CAPN11: variants seen among roughly 807,000 people sequenced by gnomAD.
CAPN11 encodes calpain 11.
In CAPN11, 108 loss-of-function variants were observed where a neutral mutation model predicts 105.3. The ratio of observed to expected loss-of-function variants is 1.03; its 90% CI spans 0.88 to 1.20. The LOEUF is 1.20. Among genes scored for constraint, CAPN11 ranks in the 50% most tolerant of loss-of-function variants. The pLI, the probability that CAPN11 is intolerant of heterozygous loss-of-function variation, is 0.00. For synonymous variants in CAPN11, 329 were observed against 344.5 expected, an observed-to-expected ratio of 0.96 and a Z score of 0.50; for missense variants, 883 against 924.8, an observed-to-expected ratio of 0.95 and a Z score of 0.59.
At position 44,170,591 on chromosome 6, in the gene CAPN11, G is replaced by A. The variant is rs1406994377; in HGVS notation, c.409+616G>A. 2.6e-5 allele frequency among the ~76,000 whole-genome samples: 4 copies of A among 152,180 alleles called. No individual in the cohort carries two copies. The South Asian group carries it at 8.3e-4, about 31-fold the overall frequency. ...GAGAGGACAAGGAGGAAGCCATAAT[G>A]CCTTTTCTGACCTAGTCTCAGGAGT... On this transcript the variant is annotated intron_variant, in intron 4 of 22. Coordinates refer to ENST00000398776, the MANE Select transcript of CAPN11 (RefSeq NM_007058.4).
In CAPN11 at chr6:44,176,600, G is replaced by T. The variant is rs1422711898; in HGVS notation, c.1021G>T (p.Val341Leu). The T allele has an allele frequency of 6.2e-7, 1 of 1,611,904 alleles. No homozygotes were observed. Among genetic ancestry groups the T allele is most frequent in the Non-Finnish European group, 8.5e-7 (1 of 1,178,652 alleles). Residue 341 changes from valine to leucine, a missense_variant, in exon 10 of 23, where the codon GTG (valine) becomes TTG (leucine). By Grantham distance (32) the Val-to-Leu change is conservative. Coordinates refer to ENST00000398776, the MANE Select transcript of CAPN11 (RefSeq NM_007058.4). ...WSDSAREWEE[V>L]ASDIQMQLLH... Reference sequence around the variant, plus strand: ...CTCCAGTGCCAGGGAGTGGGAAGAGGTGGCCTCAGACATCCAGATGCAGCT... The same window carrying T: ...CTCCAGTGCCAGGGAGTGGGAAGAGTTGGCCTCAGACATCCAGATGCAGCT...
intron 12 of CAPN11, chr6:44,177,629 G>T (rs1338262268): frequency 1.4e-5 from 8 of 564,892 alleles, no homozygotes; most frequent in Non-Finnish European, 2.2e-5. Flanking sequence ...CTGGATTACA[G>T]ACGTGCACCA....
At chr6:44,176,370 C>T (rs549617031) in intron 9 of CAPN11, 32 bp downstream of exon 9, 220 of 1,584,482 alleles carry the variant, frequency 1.4e-4, no homozygotes, top group South Asian at 1.0e-3. Context: ...GAGGGGTGGT[C>T]GGAGGATACA....
intron 1 of CAPN11, among the ~76,000 whole-genome samples, chr6:44,163,184 C>G (rs773291022): frequency 2.6e-5 from 4 of 152,180 alleles, no homozygotes; most frequent in Non-Finnish European, 5.9e-5. Context: ...GTGAGGAAAC[C>G]AAGGCTCAGG....
chr6:44,173,872 C>T (rs1448805798), intron 7 of CAPN11, among the ~76,000 whole-genome samples: 2 of 152,320 alleles, frequency 1.3e-5, no homozygotes, highest in East Asian at 1.9e-4. Context: ...GCATGAGCCA[C>T]GGTGCCCAGC....
In CAPN11 at chr6:44,169,333, C is replaced by G. The variant is rs749483783; in HGVS notation, c.141C>G (p.Leu47=). The G allele has an allele frequency of 6.2e-7, 1 of 1,613,896 alleles. No individual in the cohort carries two copies. The highest frequency in any genetic ancestry group is 1.1e-5 in the South Asian group (1 of 91,058). Residue 47 remains leucine (L), a synonymous_variant, in exon 3 of 23, where the codon CTC becomes CTG. Coordinates refer to ENST00000398776, the MANE Select transcript of CAPN11 (RefSeq NM_007058.4). ...TGGCTCACATAAACAACAGCCGGCT[C>G]AAGGCCAAGGGCGTGGGCCAGCACG... ...GMVAHINNSR[L]KAKGVGQHDN...
At chr6:44,179,889 T>TG in intron 13 of CAPN11, 63 bp from the exon 14 acceptor site, 1 of 1,344,030 alleles carries the variant, frequency 7.4e-7, no homozygotes, top group Non-Finnish European at 1.1e-6. Flanking sequence ...CTGTTCACCC[T>TG]GGGGGACCCT....
chr6:44,166,721 A>G, intron 1 of CAPN11, 37 bp from the exon 2 acceptor site: 3 of 1,489,858 alleles, frequency 2.0e-6, no homozygotes, highest in South Asian at 1.2e-5. Flanking sequence ...TTTAGACCAC[A>G]GCCTTCCTCC....
intron 19 of CAPN11, among the ~76,000 whole-genome samples, 191 bp downstream of exon 19, chr6:44,181,511 CACAT>C (rs879085091): frequency 0.076 from 8,129 of 107,574 alleles, 1,423 homozygotes; most frequent in Middle Eastern, 0.15. Flanking sequence ...CACACACACT[CACAT>C]ACAGACACAA....
chr6:44,172,871 A>G, intron 5 of CAPN11, 69 bp from the exon 6 acceptor site: 2 of 1,533,180 alleles, frequency 1.3e-6, no homozygotes, highest in Non-Finnish European at 8.9e-7. Context: ...GCGTGTCATC[A>G]GGTCTGGCCA....
intron 21 of CAPN11, 45 bp from the exon 22 acceptor site, chr6:44,183,652 CGGAACACT>C: frequency 5.7e-6 from 9 of 1,565,990 alleles, no homozygotes; most frequent in Non-Finnish European, 7.9e-6. Context: ...GTGGTTCTTT[CGGAACACT>C]GACTTAGCAT....
At chr6:44,177,220 C>G in intron 11 of CAPN11, 22 bp from the exon 12 acceptor site, 2 of 1,558,124 alleles carry the variant, frequency 1.3e-6, no homozygotes, top group South Asian at 1.2e-5. Context: ...CGTATAACCA[C>G]GCTGACCCAC....
At chr6:44,174,006 T>C (rs950818488) in intron 7 of CAPN11, among the ~76,000 whole-genome samples, 1 of 152,192 alleles carries the variant, frequency 6.6e-6, no homozygotes, top group Non-Finnish European at 1.5e-5. Context: ...TCACATTCCA[T>C]GAGGGCAGTG....
Position 44,184,078 on chromosome 6 carries a change from GCCGTGTTTACTGCAGCAGTGGGACCT to G in CAPN11, c.*152_*177del. On this transcript the variant is annotated 3_prime_UTR_variant, in exon 23 of 23. Coordinates refer to ENST00000398776, the MANE Select transcript of CAPN11 (RefSeq NM_007058.4). ...AGGTGGCAGTGCCCGGGTCCCAGGT[GCCGTGTTTACTGCAGCAGTGGGACCT>G]CCGTGCCCACTCCCCCAGCTCAGAG... 1 of 839,908 alleles carries G rather than the reference GCCGTGTTTACTGCAGCAGTGGGACCT, an allele frequency of 1.2e-6. No homozygotes were observed. Among genetic ancestry groups the G allele is most frequent in the Non-Finnish European group, 1.9e-6 (1 of 533,070 alleles). The allele number at this position is 839,908 out of a possible 1,614,324, so 52.0% of individuals were successfully genotyped here. A position where few individuals can be genotyped will look rare whatever the true frequency, so the allele number is the denominator to read the frequency against.
rs1471675895 is a variant in CAPN11 at position 44,169,387 on chromosome 6, C to T, written c.195C>T (p.Ser65=). ...ACGCCCAGAACTTTGGTAACCAGAG[C>T]TTTGAGGAGCTGCGAGCAGCCTGTC... is the stretch of plus-strand genomic sequence containing the variant. The part of the protein sequence containing the change: ...HDNAQNFGNQ[S]FEELRAACLR... Residue 65 remains serine (S), a synonymous_variant, in exon 3 of 23, where the codon AGC becomes AGT. Coordinates refer to ENST00000398776, the MANE Select transcript of CAPN11 (RefSeq NM_007058.4). 1 of 1,614,030 alleles carries T rather than the reference C, an allele frequency of 6.2e-7. No individual in the cohort carries two copies. The highest frequency in any genetic ancestry group is 2.2e-5 in the East Asian group (1 of 44,884).
chr6:44,169,622 C>T (rs955720606), intron 3 of CAPN11, 91 bp downstream of exon 3: 122 of 1,306,598 alleles, frequency 9.3e-5, no homozygotes, highest in Non-Finnish European at 1.2e-4. Context: ...TCTTCAACCC[C>T]CCACTACCCC....
rs1773090079 is a variant in CAPN11, at chr6:44,181,267, A to G, written c.1885A>G (p.Lys629Glu). The G allele has an allele frequency of 1.9e-6, 3 of 1,613,560 alleles. No individual in the cohort carries two copies. The highest frequency in any genetic ancestry group is 1.1e-5 in the South Asian group (1 of 91,090). ...INLMDKDGSGKLGLLEFKILW... is the reference protein window; with the variant it reads ...INLMDKDGSGELGLLEFKILW... ...CACCTTCCAGAAAGATGGCTCTGGCAAGCTGGGGCTTCTAGAGTTCAAGAT... is the reference window on the plus strand; with the variant it reads ...CACCTTCCAGAAAGATGGCTCTGGCGAGCTGGGGCTTCTAGAGTTCAAGAT... The change falls in exon 19 of 23, where the codon AAG becomes GAG. Residue 629 changes from lysine (K) to glutamate (E), a missense_variant. Transcript: ENST00000398776.
At chr6:44,175,630 AG>A in intron 7 of CAPN11, among the ~76,000 whole-genome samples, 1 of 152,188 alleles carries the variant, frequency 6.6e-6, no homozygotes, top group African/African-American at 2.4e-5. Context: ...ACAAGAAATT[AG>A]CCAGGCGTGG....
intron 1 of CAPN11, among the ~76,000 whole-genome samples, chr6:44,165,711 G>C (rs532618230): frequency 1.3e-5 from 2 of 152,280 alleles, no homozygotes; most frequent in South Asian, 2.1e-4. Flanking sequence ...CCCAAGTCTG[G>C]AACACTCAAG....
Sources: gnomAD v4.1 joint callset for allele counts (sites outside exome capture counted in the v4.1 genomes callset) on GRCh38, gnomAD v4.1.1 for gene constraint, MANE v1.5 for transcripts, NCBI Gene and HGNC (gene_info 2026-07-23, HGNC 2026-07-21) for gene names.